The following POLK variants were observed in gnomAD, a reference collection of about 807,000 sequenced individuals.
POLK encodes the protein polymerase (DNA directed) kappa.
A neutral mutation model predicts 94.0 loss-of-function variants in POLK; 76 were observed. The ratio of observed to expected loss-of-function variants is 0.81; its 90% CI spans 0.67 to 0.98. POLK has a LOEUF of 0.98. Ranked by LOEUF, POLK falls within the 50% of genes least tolerant of loss-of-function variation. POLK has a pLI of 0.00. For missense variants in POLK, 954 were observed against 1,010.1 expected (o/e 0.94, Z 0.75); for synonymous variants, 349 against 325.4 (o/e 1.07, Z -0.78).
At chr5:75,600,387 C>G (rs1773270998) in exon 15 of POLK, 1 of 152,248 alleles carries the variant, frequency 6.6e-6, no homozygotes, top group East Asian at 1.9e-4. Flanking sequence ...AAAAATTTGT[C>G]CCTCAGTAAA....
chr5:75,526,860 CATG>C, intron 1 of POLK, among the ~76,000 whole-genome samples: 1 of 152,158 alleles, frequency 6.6e-6, no homozygotes, highest in East Asian at 1.9e-4. Context: ...GGGATATGGG[CATG>C]AGCCACTGCA....
At chr5:75,535,639 G>T (rs776750457) in intron 1 of POLK, among the ~76,000 whole-genome samples, 1 of 152,064 alleles carries the variant, frequency 6.6e-6, no homozygotes, top group Non-Finnish European at 1.5e-5. Context: ...TGGAGGTTTT[G>T]TTCAGTCTTC....
chr5:75,589,273 C>T (rs1772627783), intron 10 of POLK, among the ~76,000 whole-genome samples: 1 of 151,810 alleles, frequency 6.6e-6, no homozygotes. Flanking sequence ...GGAACTCTCA[C>T]CATGATAAAT....
exon 13 of POLK, chr5:75,596,278 A>T (rs142201795): frequency 1.2e-6 from 2 of 1,613,384 alleles, no homozygotes; most frequent in South Asian, 1.1e-5. Context: ...ACAAAGGAGC[A>T]TTATTGGCTT....
chr5:75,543,791 G>T (rs1410222351), intron 1 of POLK, among the ~76,000 whole-genome samples: 1 of 152,104 alleles, frequency 6.6e-6, no homozygotes, highest in African/African-American at 2.4e-5. Flanking sequence ...CAATTCTTTT[G>T]ATTCAAGCAC....
chr5:75,522,104 G>C (rs1389056869), intron 1 of POLK, among the ~76,000 whole-genome samples: 1 of 152,216 alleles, frequency 6.6e-6, no homozygotes, highest in African/African-American at 2.4e-5. Flanking sequence ...TTCTCCCTTT[G>C]TGTACTCATG....
In POLK at chr5:75,581,355, C is replaced by T; in HGVS notation, c.841C>T (p.Gln281Ter). 1 of 1,613,656 alleles carries T rather than the reference C, an allele frequency of 6.2e-7. No homozygotes were observed. Among genetic ancestry groups the T allele is most frequent in the East Asian group, 2.2e-5 (1 of 44,858 alleles). Residue 281 changes from glutamine (Q) to a stop codon, truncating the protein, a stop_gained, in exon 7 of 15, where the codon CAA (glutamine) becomes TAA (stop). Coordinates refer to ENST00000241436, the Ensembl canonical transcript of POLK. LOFTEE classifies it high-confidence loss of function. The stretch of plus-strand genomic sequence containing the variant: ...AGAACAAAACAATCCTCAAATACTC[C>T]AAAACTCAGTTGTTTTTGGAACATC...
intron 1 of POLK, among the ~76,000 whole-genome samples, chr5:75,523,899 G>A (rs1256987775): frequency 6.6e-6 from 1 of 152,106 alleles, no homozygotes; most frequent in African/African-American, 2.4e-5. Context: ...CGGGGCCGAG[G>A]CAGGCAGATC....
At chr5:75,588,593 A>T (rs1772592913) in intron 10 of POLK, among the ~76,000 whole-genome samples, 1 of 152,244 alleles carries the variant, frequency 6.6e-6, no homozygotes, top group African/African-American at 2.4e-5. Context: ...GGAGTACATT[A>T]GGTTTTTTTA....
intron 7 of POLK, chr5:75,581,881 A>G (rs535321818): frequency 2.6e-5 from 5 of 190,768 alleles, no homozygotes; most frequent in South Asian, 3.0e-4. Flanking sequence ...GTGTTTCACC[A>G]TGTTAGCCAG....
At chr5:75,552,553 C>G (rs1219231429) in exon 3 of POLK, 2 of 1,611,714 alleles carry the variant, frequency 1.2e-6, no homozygotes, top group African/African-American at 1.3e-5. Flanking sequence ...ACAAAAAGCT[C>G]AAATCACCAG....
chr5:75,538,166 T>G (rs1769547841), intron 1 of POLK, among the ~76,000 whole-genome samples: 1 of 152,198 alleles, frequency 6.6e-6, no homozygotes, highest in Admixed American at 6.5e-5. Context: ...TCAAATTTTA[T>G]TTTTTAGTGT....
chr5:75,560,745 A>T (rs1249178148), intron 3 of POLK, among the ~76,000 whole-genome samples: 1 of 151,980 alleles, frequency 6.6e-6, no homozygotes, highest in East Asian at 1.9e-4. Flanking sequence ...TTCAACTCCC[A>T]TTTATGAGTG....
intron 7 of POLK, chr5:75,582,948 G>GA (rs34457772): frequency 0.23 from 29,309 of 127,240 alleles, 2,878 homozygotes; most frequent in South Asian, 0.4. Flanking sequence ...GACTCCATCT[G>GA]AAAAAAAAAA....
intron 1 of POLK, among the ~76,000 whole-genome samples, chr5:75,536,761 T>C (rs907633364): frequency 6.6e-6 from 1 of 152,100 alleles, no homozygotes; most frequent in South Asian, 2.1e-4. Flanking sequence ...GGTGACATGC[T>C]GTCTTGTCTG....
At chr5:75,536,870 C>A (rs1290494814) in intron 1 of POLK, among the ~76,000 whole-genome samples, 2 of 152,210 alleles carry the variant, frequency 1.3e-5, no homozygotes, top group African/African-American at 2.4e-5. Context: ...GCTTGCCTGG[C>A]TACCAGTGAC....
intron 14 of POLK, 40 bp from the exon 15 acceptor site, chr5:75,597,894 C>A: frequency 8.4e-7 from 1 of 1,194,886 alleles, no homozygotes; most frequent in Non-Finnish European, 1.2e-6. Flanking sequence ...TTTCTAGAAT[C>A]TCTTCCTGCA....
chr5:75,541,112 C>T (rs142627433), intron 1 of POLK, among the ~76,000 whole-genome samples: 11,894 of 152,032 alleles, frequency 0.078, 553 homozygotes, highest in South Asian at 0.17. Flanking sequence ...GGAGAAACCC[C>T]GTCTCTACAA....
At position 75,584,719 on chromosome 5, in the gene POLK, A is replaced by G. The variant is rs138077589; in HGVS notation, c.1060-41A>G. ...GGTTGTAATCTCAATTTTTAGCTTC[A>G]CTTTAAAATCTATTAATAATAAATA... On this transcript the variant is annotated intron_variant, in intron 8 of 14. Coordinates refer to ENST00000241436, the Ensembl canonical transcript of POLK. The G allele has an allele frequency of 3.8e-4, 447 of 1,173,752 alleles. 1 individual carries two copies. The African/African-American group carries it at 6.1e-3, about 16-fold the overall frequency. 72.7% of individuals were successfully genotyped at this position (1,173,752 alleles called of 1,614,324 possible).
Sources: allele counts gnomAD v4.1 joint callset (sites outside exome capture counted in the v4.1 genomes callset), GRCh38; gene constraint gnomAD v4.1.1; transcripts MANE v1.5; gene names NCBI Gene and HGNC (gene_info 2026-07-23, HGNC 2026-07-21).